The following GLIS2 variants were observed in gnomAD, a reference collection of about 807,000 sequenced individuals.
GLIS2 encodes the protein GLIS family zinc finger 2, also known as zinc finger protein GLIS2.
GLIS2 carries 14 observed loss-of-function variants against 35.6 expected under a neutral mutation model. The ratio of observed to expected loss-of-function variants is 0.39; its 90% CI spans 0.26 to 0.61. GLIS2 has a LOEUF of 0.61. GLIS2 is among the 20% of genes least tolerant of loss of function. The probability of loss-of-function intolerance (pLI) is 0.48; values close to 1 mark genes in which losing one functional copy is unlikely to be tolerated. For synonymous variants in GLIS2, 368 were observed against 325.1 expected (o/e 1.13, Z -1.42); for missense variants, 675 against 713.4 (o/e 0.95, Z 0.61).
At chr16:4,321,984 C>T (rs1455211393) in intron 1 of GLIS2, among the ~76,000 whole-genome samples, 1 of 152,206 alleles carries the variant, frequency 6.6e-6, no homozygotes, top group Non-Finnish European at 1.5e-5. Flanking sequence ...CCTGGACCCA[C>T]AGCCTGTGTG....
upstream of GLIS2, among the ~76,000 whole-genome samples, chr16:4,315,610 C>G (rs919370993): frequency 4.0e-5 from 6 of 151,606 alleles, no homozygotes; most frequent in Non-Finnish European, 8.9e-5. Flanking sequence ...CCCCCGCCCC[C>G]CCAGGCCACC....
At chr16:4,327,650 C>G (rs2053447813) in intron 1 of GLIS2, among the ~76,000 whole-genome samples, 1 of 152,092 alleles carries the variant, frequency 6.6e-6, no homozygotes, top group South Asian at 2.1e-4. Flanking sequence ...GCCATTGTCT[C>G]GGCCAGGGTG....
chr16:4,330,973 TTTTG>T (rs149627514), intron 1 of GLIS2, among the ~76,000 whole-genome samples: 13,631 of 152,092 alleles, frequency 0.09, 849 homozygotes, highest in African/African-American at 0.16. Context: ...GCGTTTGGCT[TTTTG>T]TTTGTTTGTT....
intron 1 of GLIS2, among the ~76,000 whole-genome samples, chr16:4,327,800 C>G (rs903640638): frequency 1.3e-5 from 2 of 151,810 alleles, no homozygotes; most frequent in South Asian, 2.1e-4. Context: ...TCGCCGCAGC[C>G]GCTTCCTCCC....
At chr16:4,315,833 G>A (rs1197377448), upstream of GLIS2, among the ~76,000 whole-genome samples, 1 of 142,752 alleles carries the variant, frequency 7.0e-6, no homozygotes, top group Non-Finnish European at 1.5e-5. Context: ...CCCCCGACGC[G>A]CACGCCCCGC....
chr16:4,318,182 G>A (rs2053336213), intron 1 of GLIS2, among the ~76,000 whole-genome samples: 1 of 152,188 alleles, frequency 6.6e-6, no homozygotes, highest in Non-Finnish European at 1.5e-5. Flanking sequence ...CAGCTTGGAG[G>A]GTGACCGGGG....
Position 4,335,125 on chromosome 16 carries a change from C to T in GLIS2, c.588C>T (p.Pro196=), listed in dbSNP as rs766508781. 1.3e-5 allele frequency: 21 copies of T among 1,613,258 alleles called. No individual in the cohort carries two copies. Among genetic ancestry groups the T allele is most frequent in the Non-Finnish European group, 1.7e-5 (20 of 1,180,040 alleles). Residue 196 remains proline, a synonymous_variant, in exon 5 of 7, where the codon CCC becomes CCT. Coordinates refer to ENST00000433375, the MANE Select transcript of GLIS2 (RefSeq NM_032575.3). The surrounding 1 kb of genome is among the most constrained non-coding windows in gnomAD (Gnocchi z 4.6). ...VDHVNDYHVK[P]EKDAGYCCHW... Reference sequence around the variant, plus strand: ...ATGTCAACGATTACCATGTCAAGCCCGAGAAGGATGCGGGGTACTGCTGCC... The same window carrying T: ...ATGTCAACGATTACCATGTCAAGCCTGAGAAGGATGCGGGGTACTGCTGCC...
At chr16:4,318,379 G>C (rs2053338141) in intron 1 of GLIS2, among the ~76,000 whole-genome samples, 1 of 152,160 alleles carries the variant, frequency 6.6e-6, no homozygotes, top group African/African-American at 2.4e-5. Flanking sequence ...GAGGAAAGAG[G>C]GTGTAAATCC....
In GLIS2 at chr16:4,332,541, CT is replaced by C; in HGVS notation, c.172+90del. Reference sequence around the variant, plus strand: ...GCCAAGTGTGTCCACCAGCATGTAGCTGCAGCCCCTCTCGGCTTCCGGTTCA... The same window carrying C: ...GCCAAGTGTGTCCACCAGCATGTAGCGCAGCCCCTCTCGGCTTCCGGTTCA... On this transcript the variant is annotated intron_variant, in intron 2 of 6. Coordinates refer to ENST00000433375, the MANE Select transcript of GLIS2 (RefSeq NM_032575.3). The surrounding 1 kb of genome is among the most constrained non-coding windows in gnomAD (Gnocchi z 5.4). 1 of 1,454,974 alleles carries C rather than the reference CT, an allele frequency of 6.9e-7. No individual in the cohort carries two copies. Among genetic ancestry groups the C allele is most frequent in the South Asian group, 1.2e-5 (1 of 84,324 alleles). 90.1% of individuals were successfully genotyped at this position (1,454,974 alleles called of 1,614,324 possible).
intron 1 of GLIS2, among the ~76,000 whole-genome samples, chr16:4,317,556 C>T (rs1488911456): frequency 6.6e-6 from 1 of 152,136 alleles, no homozygotes; most frequent in African/African-American, 2.4e-5. Context: ...CACAGCTGTC[C>T]AGGCCCAGCC....
At chr16:4,333,302 G>C in intron 2 of GLIS2, 45 bp from the exon 3 acceptor site, 1 of 1,609,236 alleles carries the variant, frequency 6.2e-7, no homozygotes, top group South Asian at 1.1e-5. Flanking sequence ...CTGGCCCACT[G>C]GGACTCTACA....
Position 4,337,597 on chromosome 16 carries a change from T to C in GLIS2, c.*73T>C, listed in dbSNP as rs1212430582. On this transcript the variant is annotated 3_prime_UTR_variant, in exon 7 of 7. Transcript: ENST00000433375. ...TGCCCCCGACGAACGGAAACTCTTC[T>C]GTGAAATAGCAATAATGTCCTACTG... 8 of 1,528,500 alleles carry C rather than the reference T, an allele frequency of 5.2e-6. No homozygotes were observed. Among genetic ancestry groups the C allele is most frequent in the Admixed American group, 3.9e-5 (2 of 50,976 alleles). The allele number at this position is 1,528,500 out of a possible 1,614,324, so 94.7% of individuals were successfully genotyped here. A position where few individuals can be genotyped will look rare whatever the true frequency, so the allele number is the denominator to read the frequency against.
intron 1 of GLIS2, among the ~76,000 whole-genome samples, chr16:4,319,831 T>C (rs541132532): frequency 2.0e-5 from 3 of 152,102 alleles, no homozygotes; most frequent in South Asian, 4.1e-4. Flanking sequence ...AGCCCCTGGG[T>C]GAGGCTGGGC....
chr16:4,329,904 A>T (rs1449431797), intron 1 of GLIS2, among the ~76,000 whole-genome samples: 4 of 152,326 alleles, frequency 2.6e-5, no homozygotes, highest in African/African-American at 9.6e-5. Context: ...GCTGCTCTGA[A>T]TGTGAAGTTT....
Position 4,321,176 on chromosome 16 carries a change from C to T in GLIS2, c.-67+4922C>T, listed in dbSNP as rs56022407. ...GGGGGCCAGGGCTGGGAGGGCGTGG[C>T]AGGAGATGGAGCTGGGGGGGATCTG... On this transcript the variant is annotated intron_variant, in intron 1 of 6. Transcript: ENST00000433375. Among the ~76,000 whole-genome samples, 946 of 152,252 alleles carry T rather than the reference C, an allele frequency of 6.2e-3. 5 individuals are homozygous for T. Among genetic ancestry groups the T allele is most frequent in the African/African-American group, 0.022 (899 of 41,554 alleles).
At chr16:4,326,239 C>T (rs112132583) in intron 1 of GLIS2, among the ~76,000 whole-genome samples, 4,299 of 152,162 alleles carry the variant, frequency 0.028, 76 homozygotes, top group Middle Eastern at 0.048. Context: ...AGTGAGACTC[C>T]ATCTCAAAAA....
chr16:4,334,481 G>T (rs945275873), intron 3 of GLIS2, among the ~76,000 whole-genome samples: 1 of 151,802 alleles, frequency 6.6e-6, no homozygotes, highest in African/African-American at 2.4e-5. Context: ...CAAGTGATCC[G>T]CCCACCTCAG....
chr16:4,323,017 G>A (rs540710539), intron 1 of GLIS2, among the ~76,000 whole-genome samples: 2 of 152,358 alleles, frequency 1.3e-5, no homozygotes, highest in South Asian at 4.1e-4. Flanking sequence ...ACTGGGGCAA[G>A]GGGTTACTGT....
upstream of GLIS2, chr16:4,314,877 G>C (rs1245796510): frequency 6.6e-6 from 1 of 152,232 alleles, no homozygotes; most frequent in African/African-American, 2.4e-5. Flanking sequence ...CTGTTTTTTT[G>C]AACTACAATT....
Sources: allele counts gnomAD v4.1 joint callset (sites outside exome capture counted in the v4.1 genomes callset), GRCh38; gene constraint gnomAD v4.1.1; non-coding constraint Gnocchi (gnomAD v3.1); transcripts MANE v1.5; gene names NCBI Gene and HGNC (gene_info 2026-07-23, HGNC 2026-07-21).